SHROOM3: variants seen among roughly 807,000 people sequenced by gnomAD.
SHROOM3 encodes shroom family member 3.
In SHROOM3, 47 loss-of-function variants were observed where a neutral mutation model predicts 138.6. The observed-to-expected ratio is 0.34, with a 90% CI of 0.27 to 0.43. The LOEUF (loss-of-function observed/expected upper bound fraction) is 0.43, where lower values mean the gene tolerates loss of function less well. SHROOM3 is among the 20% of genes least tolerant of loss of function. The pLI is 1.00. For synonymous variants in SHROOM3, 1,062 were observed against 1,063.3 expected, an observed-to-expected ratio of 1.00 and a Z score of 0.02; for missense variants, 2,491 against 2,596.5, an observed-to-expected ratio of 0.96 and a Z score of 0.88.
chr4:76,741,824 G>C lies in SHROOM3; in HGVS notation c.3651G>C (p.Gly1217=), dbSNP rs1433583907. ...REPSSWGARA[G]KSMSAEDLLE... is the part of the protein sequence containing the mutation. ...CATCCTCCTGGGGGGCCAGGGCCGGGAAGTCCATGTCGGCCGAGGACCTGC... is the reference window on the plus strand; with the variant it reads ...CATCCTCCTGGGGGGCCAGGGCCGGCAAGTCCATGTCGGCCGAGGACCTGC... Residue 1217 remains glycine (G), a synonymous_variant, in exon 5 of 11, where the codon GGG becomes GGC. Coordinates refer to ENST00000296043, the MANE Select transcript of SHROOM3 (RefSeq NM_020859.4). The surrounding 1 kb of genome is among the most constrained non-coding windows in gnomAD (Gnocchi z 6.2). 6.3e-7 allele frequency: 1 copy of C among 1,595,016 alleles called. No individual in the cohort carries two copies. The highest frequency in any genetic ancestry group is 8.5e-7 in the Non-Finnish European group (1 of 1,171,568).
chr4:76,688,988 CT>C, intron 2 of SHROOM3: 2 of 910,826 alleles, frequency 2.2e-6, no homozygotes, highest in East Asian at 1.2e-4. Flanking sequence ...TAGCTGTGAA[CT>C]TTTTACCTTG....
rs1179906788 is a variant in SHROOM3 at position 76,759,604 on chromosome 4, C to T, written c.5258C>T (p.Ser1753Phe). 6.2e-7 allele frequency: 1 copy of T among 1,614,074 alleles called. No individual in the cohort carries two copies. The highest frequency in any genetic ancestry group is 8.5e-7 in the Non-Finnish European group (1 of 1,180,040). The change falls in exon 9 of 11, where the codon TCT becomes TTT. Residue 1753 changes from serine (S) to phenylalanine (F), a missense_variant. Ser to Phe is a radical substitution (Grantham distance 155). Coordinates refer to ENST00000296043, the MANE Select transcript of SHROOM3 (RefSeq NM_020859.4). ...LVNCPAYYSV[S>F]APKAELLNKI... is the part of the protein sequence containing the mutation. ...AACTGCCCTGCCTACTACAGTGTGT[C>T]TGCTCCCAAGGCTGAGCTACTGAAC...
intron 2 of SHROOM3, among the ~76,000 whole-genome samples, chr4:76,585,253 C>A (rs1188372501): frequency 6.6e-6 from 1 of 152,160 alleles, no homozygotes; most frequent in East Asian, 1.9e-4. Flanking sequence ...CTAAAAATAA[C>A]CTGCAAATCT....
At chr4:76,538,555 TACA>T (rs1192212986) in intron 1 of SHROOM3, among the ~76,000 whole-genome samples, 5 of 152,140 alleles carry the variant, frequency 3.3e-5, no homozygotes, top group African/African-American at 1.2e-4. Context: ...TGCAGATGAC[TACA>T]ACAAGGAAGC....
intron 1 of SHROOM3, among the ~76,000 whole-genome samples, chr4:76,444,484 C>CTTTTTTTTTT (rs61655085): frequency 6.7e-5 from 4 of 60,150 alleles, no homozygotes; most frequent in Non-Finnish European, 8.8e-5. Context: ...CTCTTTCTTT[C>CTTTTTTTTTT]TTTTTTTTTT....
At chr4:76,550,883 C>T (rs1733339482) in intron 1 of SHROOM3, among the ~76,000 whole-genome samples, 1 of 151,572 alleles carries the variant, frequency 6.6e-6, no homozygotes, top group Non-Finnish European at 1.5e-5. Context: ...CCTGTGATCC[C>T]AGCTACTGAG....
At chr4:76,656,368 ATCT>A (rs2110090811) in intron 2 of SHROOM3, among the ~76,000 whole-genome samples, 2 of 152,322 alleles carry the variant, frequency 1.3e-5, no homozygotes, top group African/African-American at 4.8e-5. Context: ...CCTTTAAAAA[ATCT>A]TCTCTGAATT....
intron 2 of SHROOM3, among the ~76,000 whole-genome samples, chr4:76,651,237 T>C (rs1735949882): frequency 6.6e-6 from 1 of 151,848 alleles, no homozygotes; most frequent in African/African-American, 2.4e-5. Flanking sequence ...AGGGTGACTA[T>C]AGTCAATAAT....
At chr4:76,721,174 A>C (rs1041904444) in intron 3 of SHROOM3, among the ~76,000 whole-genome samples, 3 of 150,544 alleles carry the variant, frequency 2.0e-5, no homozygotes, top group Admixed American at 1.3e-4. Context: ...AGCCGGGCGT[A>C]GTGGCGGGCG....
intron 2 of SHROOM3, among the ~76,000 whole-genome samples, chr4:76,683,935 T>C (rs1368095711): frequency 1.3e-5 from 2 of 152,190 alleles, no homozygotes; most frequent in Non-Finnish European, 2.9e-5. Flanking sequence ...GCAATGCCAC[T>C]CTCCAAGAAG....
intron 2 of SHROOM3, among the ~76,000 whole-genome samples, chr4:76,663,938 A>T (rs1005499215): frequency 2.0e-5 from 3 of 152,152 alleles, no homozygotes; most frequent in African/African-American, 7.2e-5. Context: ...GAGTCATGAC[A>T]CCTGCCTCAC....
At chr4:76,572,447 A>G (rs1371299614) in intron 2 of SHROOM3, among the ~76,000 whole-genome samples, 2 of 152,142 alleles carry the variant, frequency 1.3e-5, no homozygotes, top group African/African-American at 2.4e-5. Flanking sequence ...TCCCTGTGTG[A>G]CTGACACTTC....
chr4:76,536,325 T>C (rs1732952560), intron 1 of SHROOM3, among the ~76,000 whole-genome samples: 1 of 152,214 alleles, frequency 6.6e-6, no homozygotes, highest in African/African-American at 2.4e-5. Flanking sequence ...ATCTCTGGAA[T>C]CTAACCCTCA....
chr4:76,472,798 G>A (rs1285341420), intron 1 of SHROOM3, among the ~76,000 whole-genome samples: 3 of 151,986 alleles, frequency 2.0e-5, no homozygotes, highest in South Asian at 2.1e-4. Flanking sequence ...GGGTTCAAGC[G>A]ATTATTCTGC....
intron 8 of SHROOM3, among the ~76,000 whole-genome samples, chr4:76,757,814 A>AT (rs1721869957): frequency 1.3e-5 from 2 of 152,192 alleles, no homozygotes; most frequent in South Asian, 4.1e-4. Context: ...AAAGACTACT[A>AT]TGAGAAAGAC....
At chr4:76,656,586 T>C (rs985503070) in intron 2 of SHROOM3, among the ~76,000 whole-genome samples, 3 of 152,200 alleles carry the variant, frequency 2.0e-5, no homozygotes, top group Admixed American at 1.3e-4. Context: ...AATATAATTG[T>C]CCATGAAAGA....
chr4:76,600,237 T>C (rs1734478440), intron 2 of SHROOM3, among the ~76,000 whole-genome samples: 1 of 152,180 alleles, frequency 6.6e-6, no homozygotes, highest in South Asian at 2.1e-4. Context: ...CTGCATCTAT[T>C]AGATGCTGAT....
intron 1 of SHROOM3, among the ~76,000 whole-genome samples, chr4:76,530,061 C>G (rs1020045003): frequency 6.6e-6 from 1 of 152,180 alleles, no homozygotes; most frequent in African/African-American, 2.4e-5. Flanking sequence ...TGATCTAGTT[C>G]TCTTGAAGTG....
intron 2 of SHROOM3, among the ~76,000 whole-genome samples, chr4:76,597,057 C>T (rs17002118): frequency 0.22 from 34,125 of 152,116 alleles, 4,510 homozygotes; most frequent in African/African-American, 0.36. Context: ...TAGACGGCAA[C>T]GGAGAGACAG....
Sources: gnomAD v4.1 joint callset for allele counts (sites outside exome capture counted in the v4.1 genomes callset) on GRCh38, gnomAD v4.1.1 for gene constraint, Gnocchi (gnomAD v3.1) non-coding constraint, MANE v1.5 for transcripts, NCBI Gene and HGNC (gene_info 2026-07-23, HGNC 2026-07-21) for gene names.